The following ITGA1 variants were observed in gnomAD, a reference collection of about 807,000 sequenced individuals.
ITGA1 encodes integrin alpha-1.
A neutral mutation model predicts 145.9 loss-of-function variants in ITGA1; 85 were observed. The observed-to-expected ratio is 0.58, with a 90% CI of 0.49 to 0.70. The LOEUF (loss-of-function observed/expected upper bound fraction) is 0.70. Ranked by LOEUF, ITGA1 falls within the 30% of genes least tolerant of loss-of-function variation. ITGA1 has a pLI of 0.00. For synonymous variants in ITGA1, 520 were observed against 495.3 expected, an observed-to-expected ratio of 1.05 and a Z score of -0.66; for missense variants, 1,351 against 1,418.7, an observed-to-expected ratio of 0.95 and a Z score of 0.77.
intron 1 of ITGA1, among the ~76,000 whole-genome samples, chr5:52,838,576 G>A (rs55883762): frequency 0.085 from 12,930 of 152,122 alleles, 710 homozygotes; most frequent in South Asian, 0.2. Context: ...TTTGCCTCCT[G>A]TTTCTGAGAA....
chr5:52,915,571 C>A lies in ITGA1; in HGVS notation c.1965C>A (p.Gly655=). Residue 655 remains glycine (G), a synonymous_variant, in exon 15 of 29, where the codon GGC becomes GGA. Transcript: ENST00000282588. ...GTCTGACAGATGTGACTATTGGGGG[C>A]CTTGGTGGTGCTGCCCTCTTCTGGT... ...GDGLTDVTIG[G]LGGAALFWSR... is the part of the protein sequence containing the mutation. 6.2e-7 allele frequency: 1 copy of A among 1,613,916 alleles called. No homozygotes were observed. The highest frequency in any genetic ancestry group is 8.5e-7 in the Non-Finnish European group (1 of 1,179,962).
rs61600951 is a variant in ITGA1, at chr5:52,812,789, C to CTT, written c.61+24402_61+24403dup. 1.0e-3 allele frequency among the ~76,000 whole-genome samples: 88 copies of CTT among 86,128 alleles called. 6 individuals carry two copies. Among genetic ancestry groups the CTT allele is most frequent in the African/African-American group, 3.1e-3 (62 of 20,126 alleles). 56.5% of individuals were successfully genotyped at this position (86,128 alleles called of 152,430 possible). A position where few individuals can be genotyped will look rare whatever the true frequency, so the allele number is the denominator to read the frequency against. ...AAGTTCATTTTGTTCCTTCTTATCGCTTTTTTTTTTTTTTTTTTTTTTTTT... is the reference window on the plus strand; with the variant it reads ...AAGTTCATTTTGTTCCTTCTTATCGCTTTTTTTTTTTTTTTTTTTTTTTTTTT... On this transcript the variant is annotated intron_variant, in intron 1 of 28. Transcript: ENST00000282588.
At chr5:52,818,432 C>T (rs1013587431) in intron 1 of ITGA1, among the ~76,000 whole-genome samples, 3 of 152,182 alleles carry the variant, frequency 2.0e-5, no homozygotes, top group Admixed American at 1.3e-4. Context: ...ACAGGATATT[C>T]TGTGAATTTC....
chr5:52,839,038 A>G (rs906614547), intron 1 of ITGA1, among the ~76,000 whole-genome samples: 9 of 152,164 alleles, frequency 5.9e-5, no homozygotes, highest in Admixed American at 5.9e-4. Flanking sequence ...CCGAGGCTGC[A>G]GTGAGCCATG....
intron 22 of ITGA1, 164 bp from the exon 23 acceptor site, chr5:52,933,730 C>A: frequency 2.7e-6 from 1 of 364,106 alleles, no homozygotes; most frequent in Non-Finnish European, 5.1e-6. Flanking sequence ...TCTCACTCTC[C>A]TCAAAGATTT....
intron 1 of ITGA1, among the ~76,000 whole-genome samples, chr5:52,846,018 G>A (rs1749327940): frequency 6.6e-6 from 1 of 152,106 alleles, no homozygotes; most frequent in South Asian, 2.1e-4. Flanking sequence ...CTAGATGGTA[G>A]AGCTACACAT....
chr5:52,861,376 C>A (rs1286085578), intron 2 of ITGA1, 71 bp from the exon 3 acceptor site: 43 of 848,948 alleles, frequency 5.1e-5, no homozygotes, highest in Middle Eastern at 2.3e-4. Flanking sequence ...ATCTTAAAAT[C>A]AGTCATAAAA....
rs890935521 is a variant in ITGA1, at chr5:52,911,751, C to T, written c.1857+1332C>T. 1.1e-4 allele frequency among the ~76,000 whole-genome samples: 15 copies of T among 133,422 alleles called. No homozygotes were observed. The South Asian group carries it at 2.2e-3, about 20-fold the overall frequency. The allele number at this position is 133,422 out of a possible 152,430, so 87.5% of individuals were successfully genotyped here. On this transcript the variant is annotated intron_variant, in intron 14 of 28. Transcript: ENST00000282588. The stretch of plus-strand genomic sequence containing the variant: ...TAGTGTATCTACTATATATACTATA[C>T]ATATAGTGTATCTACTATATATACT...
chr5:52,938,338 G>C (rs897825172), intron 24 of ITGA1, among the ~76,000 whole-genome samples: 2 of 151,778 alleles, frequency 1.3e-5, no homozygotes, highest in African/African-American at 2.4e-5. Context: ...CTATATGATG[G>C]TTCATTATGG....
chr5:52,920,269 T>C (rs1750711328), intron 16 of ITGA1, 63 bp from the exon 17 acceptor site: 2 of 1,267,428 alleles, frequency 1.6e-6, no homozygotes, highest in African/African-American at 1.5e-5. Flanking sequence ...TTTAATAATC[T>C]GTACAATATG....
At position 52,925,403 on chromosome 5, in the gene ITGA1, C is replaced by T; in HGVS notation, c.2529C>T (p.Leu843=). The T allele has an allele frequency of 1.2e-6, 2 of 1,614,074 alleles. No individual in the cohort carries two copies. Among genetic ancestry groups the T allele is most frequent in the Non-Finnish European group, 1.7e-6 (2 of 1,179,926 alleles). ...RSQNDKFNVS[L]TVKNTKDSAY... ...AGAATGATAAGTTCAACGTTAGCCT[C>T]ACAGTCAAAAATACAAAGGACAGTG... The change falls in exon 19 of 29, where the codon CTC becomes CTT. Residue 843 remains leucine, a synonymous_variant. Coordinates refer to ENST00000282588, the MANE Select transcript of ITGA1 (RefSeq NM_181501.2).
chr5:52,920,222 T>C, intron 16 of ITGA1, 110 bp from the exon 17 acceptor site: 1 of 806,632 alleles, frequency 1.2e-6, no homozygotes. Flanking sequence ...AGAATCTTTT[T>C]TGATTGATTG....
At chr5:52,886,803 G>A (rs777004612) in intron 7 of ITGA1, among the ~76,000 whole-genome samples, 21 of 152,242 alleles carry the variant, frequency 1.4e-4, no homozygotes, top group South Asian at 4.1e-4. Context: ...AGACGGGAAG[G>A]TGTCTCGCTC....
rs529327677 is a variant in ITGA1, at chr5:52,947,258, T to C, written c.3379-87T>C. 4.2e-5 allele frequency: 32 copies of C among 760,154 alleles called. No individual in the cohort carries two copies. The African/African-American group carries it at 5.0e-4, about 12-fold the overall frequency. 47.1% of individuals were successfully genotyped at this position (760,154 alleles called of 1,614,324 possible). ...TATAGTAACGAGATTAATGCACTGG[T>C]AGAGAATTGTAGCCTGCAAGAACTC... On this transcript the variant is annotated intron_variant, in intron 27 of 28. Coordinates refer to ENST00000282588, the MANE Select transcript of ITGA1 (RefSeq NM_181501.2).
At chr5:52,911,244 AGT>A (rs1750518612) in intron 14 of ITGA1, among the ~76,000 whole-genome samples, 1 of 136,126 alleles carries the variant, frequency 7.3e-6, no homozygotes, top group Admixed American at 7.7e-5. Context: ...GTGTATATAT[AGT>A]ATATACAGTG....
At position 52,864,990 on chromosome 5, in the gene ITGA1, C is replaced by T. The variant is rs745759207; in HGVS notation, c.404C>T (p.Ala135Val). The change falls in exon 5 of 29, where the codon GCC (alanine) becomes GTC (valine). Residue 135 changes from alanine (A) to valine (V), a missense_variant. Transcript: ENST00000282588. ...TTAAAGGCTTGTGGGCCCTTATATG[C>T]CTATAGATGTGGACATTTGCATTAC... ...GGFLACGPLY[A>V]YRCGHLHYTT... is the part of the protein sequence containing the mutation. 1 of 1,612,778 alleles carries T rather than the reference C, an allele frequency of 6.2e-7. No homozygotes were observed. Among genetic ancestry groups the T allele is most frequent in the Non-Finnish European group, 8.5e-7 (1 of 1,179,462 alleles).
chr5:52,900,115 T>C (rs1750291594), intron 11 of ITGA1, among the ~76,000 whole-genome samples: 1 of 152,112 alleles, frequency 6.6e-6, no homozygotes, highest in Non-Finnish European at 1.5e-5. Flanking sequence ...GCAATCACTA[T>C]CAGTATGATA....
At chr5:52,870,708 T>C (rs1213693636) in intron 6 of ITGA1, among the ~76,000 whole-genome samples, 1 of 152,190 alleles carries the variant, frequency 6.6e-6, no homozygotes, top group Non-Finnish European at 1.5e-5. Flanking sequence ...TTTCCCAGGA[T>C]TGGCATGGGT....
intron 15 of ITGA1, 27 bp downstream of exon 15, chr5:52,915,621 A>C: frequency 5.6e-6 from 9 of 1,611,574 alleles, no homozygotes; most frequent in Non-Finnish European, 7.6e-6. Context: ...CATCCTGTTA[A>C]TCTGAGACTG....
Sources: allele counts gnomAD v4.1 joint callset (sites outside exome capture counted in the v4.1 genomes callset), GRCh38; gene constraint gnomAD v4.1.1; transcripts MANE v1.5; gene names NCBI Gene and HGNC (gene_info 2026-07-23, HGNC 2026-07-21).